Variants in CAPRIN2 observed in about 807,000 individuals in gnomAD.
The protein encoded by CAPRIN2 is caprin-2.
In CAPRIN2, 66 loss-of-function variants were observed where a neutral mutation model predicts 130.4. The ratio of observed to expected loss-of-function variants is 0.51; its 90% CI spans 0.42 to 0.62. The LOEUF (loss-of-function observed/expected upper bound fraction) is 0.62. CAPRIN2 is among the 20% of genes least tolerant of loss of function. The pLI, the probability that CAPRIN2 is intolerant of heterozygous loss-of-function variation, is 0.00. For synonymous variants in CAPRIN2, 471 were observed against 444.1 expected, an observed-to-expected ratio of 1.06 and a Z score of -0.76; for missense variants, 1,185 against 1,246.6, an observed-to-expected ratio of 0.95 and a Z score of 0.74.
chr12:30,722,113 A>G (rs1301026810), intron 11 of CAPRIN2, among the ~76,000 whole-genome samples: 10 of 152,230 alleles, frequency 6.6e-5, no homozygotes, highest in Admixed American at 6.5e-4. Flanking sequence ...TAATCTTAAA[A>G]TGGCTTCAAT....
At chr12:30,745,777 TG>T (rs955798013) in intron 2 of CAPRIN2, among the ~76,000 whole-genome samples, 3 of 151,822 alleles carry the variant, frequency 2.0e-5, no homozygotes, top group Admixed American at 6.6e-5. Context: ...TGATTTTGGG[TG>T]GGGGGGTGGA....
At position 30,735,083 on chromosome 12, in the gene CAPRIN2, C is replaced by T. The variant is rs777457128; in HGVS notation, c.694G>A (p.Val232Ile). 20 of 1,613,888 alleles carry T rather than the reference C, an allele frequency of 1.2e-5. No homozygotes were observed. The highest frequency in any genetic ancestry group is 2.2e-5 in the South Asian group (2 of 91,086). The change falls in exon 4 of 17, where the codon GTA (valine) becomes ATA (isoleucine). Residue 232 changes from valine (V) to isoleucine (I), a missense_variant. By Grantham distance (29) the Val-to-Ile change is conservative. Transcript: ENST00000298892. The stretch of plus-strand genomic sequence containing the variant: ...AAACCCCCTTTGAAGTCTTTTTGTA[C>T]GTGCTCCTGTGTCAAGTTCTGCAAT...
chr12:30,742,664 AAC>A (rs1010799815), intron 2 of CAPRIN2, among the ~76,000 whole-genome samples: 1 of 151,132 alleles, frequency 6.6e-6, no homozygotes, highest in African/African-American at 2.4e-5. Context: ...GTACAAAAAA[AAC>A]ACAACTCTAA....
chr12:30,728,554 CAAAAAAA>C (rs11406794), intron 8 of CAPRIN2, 87 bp downstream of exon 9: 2 of 808,678 alleles, frequency 2.5e-6, no homozygotes, highest in Non-Finnish European at 3.6e-6. Flanking sequence ...TTCTCCATCT[CAAAAAAA>C]AAAAAAAAAG....
intron 4 of CAPRIN2, among the ~76,000 whole-genome samples, chr12:30,734,553 CAAGTTA>C (rs2063809136): frequency 6.6e-6 from 1 of 152,068 alleles, no homozygotes; most frequent in African/African-American, 2.4e-5. Flanking sequence ...TGACACCAGC[CAAGTTA>C]AATATTATTT....
chr12:30,723,888 C>T (rs535049740), intron 10 of CAPRIN2, among the ~76,000 whole-genome samples: 1 of 152,302 alleles, frequency 6.6e-6, no homozygotes, highest in East Asian at 1.9e-4. Context: ...AGCTTTATGT[C>T]ACTCCTCTCT....
chr12:30,732,713 T>C (rs1453926928), intron 5 of CAPRIN2, among the ~76,000 whole-genome samples: 1 of 152,118 alleles, frequency 6.6e-6, no homozygotes, highest in Non-Finnish European at 1.5e-5. Context: ...TTGTTACATG[T>C]ATCAATAGTT....
At chr12:30,725,751 C>A (rs1174135636) in intron 9 of CAPRIN2, among the ~76,000 whole-genome samples, 1 of 151,464 alleles carries the variant, frequency 6.6e-6, no homozygotes, top group East Asian at 1.9e-4. Flanking sequence ...TTTTTTTGTT[C>A]TAACAAACTT....
exon 8 of CAPRIN2, chr12:30,728,681 C>T (rs1424010673): frequency 6.2e-7 from 1 of 1,612,008 alleles, no homozygotes; most frequent in Non-Finnish European, 8.5e-7. Context: ...TCCTGGGCAG[C>T]AGCTGGTCAT....
chr12:30,744,550 C>T (rs1415941853), intron 2 of CAPRIN2, among the ~76,000 whole-genome samples: 1 of 152,100 alleles, frequency 6.6e-6, no homozygotes, highest in Non-Finnish European at 1.5e-5. Context: ...GTTCTTCTTC[C>T]TCCCTCCCCC....
intron 11 of CAPRIN2, 83 bp from the exon 13 acceptor site, chr12:30,720,998 T>C (rs992137667): frequency 5.5e-5 from 49 of 884,234 alleles, no homozygotes; most frequent in Non-Finnish European, 1.5e-5. Context: ...TCCTAATATG[T>C]TACTCTTACT....
At chr12:30,712,208 T>C (rs1469057273) in intron 15 of CAPRIN2, among the ~76,000 whole-genome samples, 4 of 152,020 alleles carry the variant, frequency 2.6e-5, no homozygotes, top group Admixed American at 2.6e-4. Flanking sequence ...CCAAACTTCA[T>C]ACAACCCATG....
chr12:30,728,534 AAC>A, intron 8 of CAPRIN2, 112 bp downstream of exon 9: 1 of 824,762 alleles, frequency 1.2e-6, no homozygotes, highest in African/African-American at 1.8e-5. Context: ...CAGCCTGGGT[AAC>A]AGAGTGTTTC....
intron 5 of CAPRIN2, among the ~76,000 whole-genome samples, chr12:30,732,869 T>C (rs1565636727): frequency 6.6e-6 from 1 of 152,248 alleles, no homozygotes; most frequent in South Asian, 2.1e-4. Flanking sequence ...GAAGACTAAT[T>C]GCTTAGCGTT....
chr12:30,730,551 A>G (rs2062334220), intron 6 of CAPRIN2, among the ~76,000 whole-genome samples: 2 of 152,214 alleles, frequency 1.3e-5, no homozygotes, highest in Admixed American at 1.3e-4. Context: ...GATTGAAAAT[A>G]ACACTATTTC....
Position 30,710,504 on chromosome 12 carries a change from G to A in CAPRIN2, c.2666-34C>T. The A allele has an allele frequency of 3.7e-6, 6 of 1,612,462 alleles. No individual in the cohort carries two copies. The highest frequency in any genetic ancestry group is 5.1e-6 in the Non-Finnish European group (6 of 1,179,648). Reference sequence around the variant, plus strand: ...TTAGCAACAGTGAGTTTCTCATAATGAAGCAGTTAGCTTTGAACACAATAT... The same window carrying A: ...TTAGCAACAGTGAGTTTCTCATAATAAAGCAGTTAGCTTTGAACACAATAT... On this transcript the variant is annotated intron_variant, in intron 16 of 16. Coordinates refer to ENST00000298892, the Ensembl canonical transcript of CAPRIN2. The surrounding 1 kb of genome is among the most constrained non-coding windows in gnomAD (Gnocchi z 4.8).
chr12:30,741,176 T>C (rs2067277839), intron 2 of CAPRIN2, 70 bp from the exon 4 acceptor site: 1 of 882,390 alleles, frequency 1.1e-6, no homozygotes, highest in Non-Finnish European at 1.8e-6. Flanking sequence ...ATAATGTTTC[T>C]TAAATACAGT....
At chr12:30,741,466 C>T (rs1045039815) in intron 2 of CAPRIN2, among the ~76,000 whole-genome samples, 4 of 151,958 alleles carry the variant, frequency 2.6e-5, no homozygotes, top group East Asian at 3.9e-4. Flanking sequence ...ACAAATAGCA[C>T]GGTGAGTATC....
Position 30,710,433 on chromosome 12 carries a change from T to G in CAPRIN2, c.2703A>C (p.Glu901Asp). 6.2e-7 allele frequency: 1 copy of G among 1,614,146 alleles called. No individual in the cohort carries two copies. Among genetic ancestry groups the G allele is most frequent in the South Asian group, 1.1e-5 (1 of 91,086 alleles). Residue 901 changes from glutamate to aspartate, a missense_variant, in exon 17 of 17, where the codon GAA becomes GAC. By Grantham distance (45) the Glu-to-Asp change is conservative. This residue lies in a region of CAPRIN2 where 1,104 missense variants were observed against 1,104.3 expected (regional missense o/e 1.00). Coordinates refer to ENST00000298892, the Ensembl canonical transcript of CAPRIN2. The surrounding 1 kb of genome is among the most constrained non-coding windows in gnomAD (Gnocchi z 4.8). ...CACTGTTAAAGGTTTCGTTGTCTCT[T>G]TCTGGGCTGCTCACCTGAGAAGAAT...
Sources: gnomAD v4.1 joint callset for allele counts (sites outside exome capture counted in the v4.1 genomes callset) on GRCh38, gnomAD v4.1.1 for gene constraint, gnomAD v4.1.1 regional missense constraint, Gnocchi (gnomAD v3.1) non-coding constraint, MANE v1.5 for transcripts, NCBI Gene and HGNC (gene_info 2026-07-23, HGNC 2026-07-21) for gene names.